The following OSBP2 variants were observed in gnomAD, a reference collection of about 807,000 sequenced individuals.
OSBP2 encodes oxysterol-binding protein 2.
A neutral mutation model predicts 96.0 loss-of-function variants in OSBP2; 66 were observed. The ratio of observed to expected loss-of-function variants is 0.69; its 90% CI spans 0.56 to 0.84. The LOEUF (loss-of-function observed/expected upper bound fraction) is 0.84. Among genes scored for constraint, OSBP2 ranks in the 40% least tolerant of loss-of-function variants. OSBP2 has a pLI of 0.00. For synonymous variants in OSBP2, 525 were observed against 520.9 expected (o/e 1.01, Z -0.11); for missense variants, 1,038 against 1,222.7 (o/e 0.85, Z 2.25).
intron 2 of OSBP2, among the ~76,000 whole-genome samples, chr22:30,763,369 G>A (rs756796707): frequency 6.6e-6 from 1 of 152,162 alleles, no homozygotes; most frequent in South Asian, 2.1e-4. Flanking sequence ...CAGGTTGGCC[G>A]GGTGCAGTGG....
In OSBP2 at chr22:30,695,212, G is replaced by A; in HGVS notation, c.303G>A (p.Leu101=). 1 of 1,613,248 alleles carries A rather than the reference G, an allele frequency of 6.2e-7. No individual in the cohort carries two copies. Among genetic ancestry groups the A allele is most frequent in the Non-Finnish European group, 8.5e-7 (1 of 1,179,658 alleles). The change falls in exon 1 of 14, where the codon CTG becomes CTA. Residue 101 remains leucine (L), a synonymous_variant. Transcript: ENST00000332585. ...EPGAGQPSEL[L]QGSRPGSESS... is the part of the protein sequence containing the mutation. Reference sequence around the variant, plus strand: ...GGGCTGGGCAGCCATCGGAACTGCTGCAGGGGTCGCGGCCGGGGTCAGAGT... The same window carrying A: ...GGGCTGGGCAGCCATCGGAACTGCTACAGGGGTCGCGGCCGGGGTCAGAGT...
At chr22:30,694,805 C>T (rs1399048983), upstream of OSBP2, 45 of 563,022 alleles carry the variant, frequency 8.0e-5, no homozygotes, top group East Asian at 2.9e-3. Flanking sequence ...AACCCGCGCG[C>T]GCCCCCGCCT....
chr22:30,878,853 C>T (rs575087256), intron 3 of OSBP2, among the ~76,000 whole-genome samples: 3 of 152,146 alleles, frequency 2.0e-5, no homozygotes, highest in East Asian at 1.9e-4. Context: ...AGCCAGCACT[C>T]GATGGAGTCG....
intron 2 of OSBP2, among the ~76,000 whole-genome samples, chr22:30,807,886 A>G (rs1342396512): frequency 6.6e-6 from 1 of 152,176 alleles, no homozygotes; most frequent in Non-Finnish European, 1.5e-5. Context: ...CCTGGGCTCA[A>G]GTGATCCTCC....
intron 2 of OSBP2, among the ~76,000 whole-genome samples, chr22:30,838,237 G>A (rs1602337783): frequency 6.6e-6 from 1 of 152,170 alleles, no homozygotes. Flanking sequence ...GCATGCAGCT[G>A]TGGCATGAAG....
intron 3 of OSBP2, among the ~76,000 whole-genome samples, chr22:30,875,525 A>G (rs1241900282): frequency 6.6e-6 from 1 of 152,098 alleles, no homozygotes; most frequent in African/African-American, 2.4e-5. Flanking sequence ...GGTATGCACC[A>G]CCACACTCGG....
chr22:30,873,038 A>T (rs1161625526), intron 3 of OSBP2, among the ~76,000 whole-genome samples: 3 of 152,122 alleles, frequency 2.0e-5, no homozygotes. Context: ...TCCCACCTCC[A>T]AACCTCCAGG....
intron 2 of OSBP2, among the ~76,000 whole-genome samples, chr22:30,787,323 AG>A (rs939793561): frequency 2.7e-4 from 41 of 152,190 alleles, no homozygotes; most frequent in African/African-American, 9.2e-4. Context: ...AGCTAAGAGG[AG>A]GGGGAAGCCC....
At chr22:30,781,699 G>A (rs1322991976) in intron 2 of OSBP2, among the ~76,000 whole-genome samples, 1 of 152,140 alleles carries the variant, frequency 6.6e-6, no homozygotes, top group Non-Finnish European at 1.5e-5. Context: ...GAGAACACTG[G>A]GTTTCTAGCA....
rs2039914184 is a variant in OSBP2 at position 30,890,216 on chromosome 22, G to A, written c.1624-512G>A. On this transcript the variant is annotated intron_variant, in intron 7 of 13. Transcript: ENST00000332585. The surrounding 1 kb of genome is among the most constrained non-coding windows in gnomAD (Gnocchi z 4.4). ...CTGGGAGGATGGAGCAAGATAACAC[G>A]AGGAAGCTGAGACTCGTACCCGATG... 6.6e-6 allele frequency among the ~76,000 whole-genome samples: 1 copy of A among 152,248 alleles called. No homozygotes were observed. Among genetic ancestry groups the A allele is most frequent in the African/African-American group, 2.4e-5 (1 of 41,530 alleles).
At chr22:30,829,070 C>T (rs1424211587) in intron 2 of OSBP2, among the ~76,000 whole-genome samples, 2 of 152,064 alleles carry the variant, frequency 1.3e-5, no homozygotes, top group African/African-American at 4.8e-5. Flanking sequence ...AGTGTGGAGG[C>T]GATGGGGCTG....
rs35391426 is a variant in OSBP2 at position 30,902,126 on chromosome 22, G to GAAAAAAAAAAAAA, written c.2376-3699_2376-3698insAAAAAAAAAAAAA. On this transcript the variant is annotated intron_variant, in intron 12 of 13. Coordinates refer to ENST00000332585, the MANE Select transcript of OSBP2 (RefSeq NM_030758.4). ...GCAATATAAGAAAAAAAAAAAAAACGAAAAAAAAAAAACCAAAAAAAAAAA... is the reference window on the plus strand; with the variant it reads ...GCAATATAAGAAAAAAAAAAAAAACGAAAAAAAAAAAAAAAAAAAAAAAAACCAAAAAAAAAAA... The GAAAAAAAAAAAAA allele has an allele frequency of 1.6e-4, 18 of 115,892 alleles. 1 individual carries two copies. The highest frequency in any genetic ancestry group is 7.8e-4 in the East Asian group (3 of 3,860). 7.2% of individuals were successfully genotyped at this position (115,892 alleles called of 1,614,324 possible). A position where few individuals can be genotyped will look rare whatever the true frequency, so the allele number is the denominator to read the frequency against.
chr22:30,882,535 C>T (rs1210674622), intron 3 of OSBP2, among the ~76,000 whole-genome samples: 1 of 150,382 alleles, frequency 6.6e-6, no homozygotes, highest in Non-Finnish European at 1.5e-5. Flanking sequence ...TACCTCAGTG[C>T]TTGTAAGAAT....
intron 2 of OSBP2, among the ~76,000 whole-genome samples, chr22:30,855,267 A>C (rs1032532507): frequency 1.3e-5 from 2 of 152,152 alleles, no homozygotes; most frequent in Non-Finnish European, 2.9e-5. Flanking sequence ...CAGCAGAGTG[A>C]AGATGCTGTT....
At chr22:30,882,609 C>G (rs548597042) in intron 3 of OSBP2, among the ~76,000 whole-genome samples, 1 of 151,948 alleles carries the variant, frequency 6.6e-6, no homozygotes, top group Non-Finnish European at 1.5e-5. Flanking sequence ...GCATCAGAAT[C>G]AGCAGGAGGG....
At chr22:30,763,602 AG>A (rs2090233345) in intron 2 of OSBP2, among the ~76,000 whole-genome samples, 1 of 149,606 alleles carries the variant, frequency 6.7e-6, no homozygotes. Context: ...GCCGAGATTG[AG>A]CCACTGCTCT....
At chr22:30,751,076 A>G (rs2090068497) in intron 2 of OSBP2, among the ~76,000 whole-genome samples, 1 of 152,070 alleles carries the variant, frequency 6.6e-6, no homozygotes, top group Admixed American at 6.6e-5. Flanking sequence ...TGCCAATTAG[A>G]AAAAATTTAA....
intron 2 of OSBP2, among the ~76,000 whole-genome samples, chr22:30,755,676 C>T (rs1273394702): frequency 6.6e-6 from 1 of 152,166 alleles, no homozygotes; most frequent in Non-Finnish European, 1.5e-5. Context: ...CCCACAGGGT[C>T]ATCAGAATGT....
At chr22:30,716,303 A>G (rs2145695262) in intron 1 of OSBP2, among the ~76,000 whole-genome samples, 1 of 151,802 alleles carries the variant, frequency 6.6e-6, no homozygotes, top group African/African-American at 2.4e-5. Context: ...CAGCCTCCCA[A>G]AGTGCTGGGA....
Sources: allele counts gnomAD v4.1 joint callset (sites outside exome capture counted in the v4.1 genomes callset), GRCh38; gene constraint gnomAD v4.1.1; non-coding constraint Gnocchi (gnomAD v3.1); transcripts MANE v1.5; gene names NCBI Gene and HGNC (gene_info 2026-07-23, HGNC 2026-07-21).